WNT3A: variants seen among roughly 807,000 people sequenced by gnomAD.
WNT3A encodes Wnt family member 3A, also known as protein Wnt-3a.
In WNT3A, 17 loss-of-function variants were observed where a neutral mutation model predicts 37.0. The observed-to-expected ratio is 0.46, with a 90% CI of 0.31 to 0.69. The LOEUF (loss-of-function observed/expected upper bound fraction) is 0.69, where lower values mean the gene tolerates loss of function less well. WNT3A is among the 30% of genes least tolerant of loss of function. The probability of loss-of-function intolerance (pLI) is 0.05; values close to 1 mark genes in which losing one functional copy is unlikely to be tolerated. For missense variants in WNT3A, 411 were observed against 510.2 expected (o/e 0.81, Z 1.87); for synonymous variants, 187 against 211.0 (o/e 0.89, Z 0.99).
chr1:228,054,014 G>A (rs1474056354), intron 3 of WNT3A, among the ~76,000 whole-genome samples: 1 of 152,104 alleles, frequency 6.6e-6, no homozygotes, highest in Non-Finnish European at 1.5e-5. Flanking sequence ...GGGGCCATTT[G>A]CTGACCTGGA....
intron 2 of WNT3A, among the ~76,000 whole-genome samples, chr1:228,028,460 C>G (rs914777750): frequency 6.6e-6 from 1 of 151,882 alleles, no homozygotes; most frequent in African/African-American, 2.4e-5. Context: ...TGCCACAATA[C>G]CTGGCTAATT....
In WNT3A at chr1:228,007,811, G is replaced by A. The variant is rs759651544; in HGVS notation, c.71+612G>A. Among the ~76,000 whole-genome samples, 10 of 152,196 alleles carry A rather than the reference G, an allele frequency of 6.6e-5. No individual in the cohort carries two copies. Among genetic ancestry groups the A allele is most frequent in the Non-Finnish European group, 1.0e-4 (7 of 67,978 alleles). ...AGTCCGGGCACGGGGGTTTCCAGGG[G>A]CCCTCTCTGCGAGCCCTCCGCATGG... On this transcript the variant is annotated intron_variant, in intron 1 of 3. Coordinates refer to ENST00000284523, the MANE Select transcript of WNT3A (RefSeq NM_033131.4). This position sits in a 1 kb window ranked among gnomAD's most constrained non-coding sequence, Gnocchi z 6.0.
At chr1:228,051,880 G>A (rs1006915364) in intron 3 of WNT3A, among the ~76,000 whole-genome samples, 1 of 152,106 alleles carries the variant, frequency 6.6e-6, no homozygotes, top group Admixed American at 6.5e-5. Context: ...AAGACAGAGT[G>A]GGGGAGAGGT....
chr1:228,009,697 T>G (rs2030314567), intron 1 of WNT3A, among the ~76,000 whole-genome samples: 1 of 152,056 alleles, frequency 6.6e-6, no homozygotes, highest in South Asian at 2.1e-4. Context: ...TGAAGGGGAA[T>G]CTCCTCACCT....
chr1:228,059,977 G>C lies in WNT3A; in HGVS notation c.*512G>C. The C allele has an allele frequency of 2.6e-6, 3 of 1,135,712 alleles. No individual in the cohort carries two copies. Among genetic ancestry groups the C allele is most frequent in the Non-Finnish European group, 3.3e-6 (3 of 912,384 alleles). The allele number at this position is 1,135,712 out of a possible 1,614,324, so 70.4% of individuals were successfully genotyped here. On this transcript the variant is annotated 3_prime_UTR_variant, in exon 4 of 4. Transcript: ENST00000284523. Reference sequence around the variant, plus strand: ...GGGCGGAGCGCCTCCTTAGGAGTGGGGTTTTATGGTGGATGAGGCTTCTTC... The same window carrying C: ...GGGCGGAGCGCCTCCTTAGGAGTGGCGTTTTATGGTGGATGAGGCTTCTTC...
At chr1:228,044,086 A>G (rs2031347703) in intron 2 of WNT3A, among the ~76,000 whole-genome samples, 2 of 152,108 alleles carry the variant, frequency 1.3e-5, no homozygotes, top group East Asian at 1.9e-4. Flanking sequence ...GGCTCAAGCA[A>G]TCCTCCTGCC....
Position 228,059,438 on chromosome 1 carries a change from C to A in WNT3A, c.1032C>A (p.Arg344=). 6.5e-7 allele frequency: 1 copy of A among 1,527,430 alleles called. No homozygotes were observed. The highest frequency in any genetic ancestry group is 8.8e-7 in the Non-Finnish European group (1 of 1,141,524). The allele number at this position is 1,527,430 out of a possible 1,614,324, so 94.6% of individuals were successfully genotyped here. Residue 344 remains arginine, a synonymous_variant, in exon 4 of 4, where the codon CGC becomes CGA. Transcript: ENST00000284523. ...CCYVSCQECT[R]VYDVHTCK ...ACGTCAGCTGCCAGGAGTGCACGCG[C>A]GTCTACGACGTGCACACCTGCAAGT... is the stretch of plus-strand genomic sequence containing the variant.
At position 228,007,185 on chromosome 1, in the gene WNT3A, C is replaced by T; in HGVS notation, c.57C>T (p.Ser19=). The T allele has an allele frequency of 6.2e-7, 1 of 1,604,466 alleles. No individual in the cohort carries two copies. The highest frequency in any genetic ancestry group is 2.3e-5 in the East Asian group (1 of 44,242). ...LLCSLKQALG[S]YPIWWSLAVG... is the part of the protein sequence containing the mutation. ...GCAGCCTGAAGCAGGCTCTGGGCAG[C>T]TACCCGATCTGGTGGTGAGTGAGCC... The change falls in exon 1 of 4, where the codon AGC becomes AGT. Residue 19 remains serine, a synonymous_variant. Transcript: ENST00000284523. This position sits in a 1 kb window ranked among gnomAD's most constrained non-coding sequence, Gnocchi z 6.0.
intron 3 of WNT3A, among the ~76,000 whole-genome samples, chr1:228,054,373 C>T (rs537925862): frequency 2.2e-4 from 34 of 151,990 alleles, no homozygotes; most frequent in African/African-American, 8.0e-4. Flanking sequence ...ACCTATAATC[C>T]CAGCACTTTG....
At chr1:228,029,434 G>A (rs1177620807) in intron 2 of WNT3A, among the ~76,000 whole-genome samples, 1 of 152,178 alleles carries the variant, frequency 6.6e-6, no homozygotes, top group East Asian at 1.9e-4. Flanking sequence ...GCTGTGCTGA[G>A]CATGTGGTCA....
Position 228,060,067 on chromosome 1 carries a change from T to C in WNT3A, c.*602T>C. 8.3e-7 allele frequency: 1 copy of C among 1,201,784 alleles called. No homozygotes were observed. Among genetic ancestry groups the C allele is most frequent in the South Asian group, 1.5e-5 (1 of 67,256 alleles). 74.4% of individuals were successfully genotyped at this position (1,201,784 alleles called of 1,614,324 possible). A position where few individuals can be genotyped will look rare whatever the true frequency, so the allele number is the denominator to read the frequency against. ...CTTCCACGGGGGCTGTGGCTCTGGG[T>C]GGGCGTGGCCTGCATAGGCTCCTTC... On this transcript the variant is annotated 3_prime_UTR_variant, in exon 4 of 4. Transcript: ENST00000284523.
chr1:228,032,726 C>G (rs2031042254), intron 2 of WNT3A, among the ~76,000 whole-genome samples: 1 of 152,212 alleles, frequency 6.6e-6, no homozygotes, highest in Non-Finnish European at 1.5e-5. Context: ...GAACTCCATG[C>G]TTAACTTTTT....
At chr1:228,033,302 T>G (rs983026778) in intron 2 of WNT3A, among the ~76,000 whole-genome samples, 1 of 151,982 alleles carries the variant, frequency 6.6e-6, no homozygotes, top group South Asian at 2.1e-4. Context: ...TAAATAAGAG[T>G]TTTAGCGTTT....
At position 228,031,648 on chromosome 1, in the gene WNT3A, G is replaced by T. The variant is rs1199099259; in HGVS notation, c.313+8740G>T. On this transcript the variant is annotated intron_variant, in intron 2 of 3. Coordinates refer to ENST00000284523, the MANE Select transcript of WNT3A (RefSeq NM_033131.4). The surrounding 1 kb of genome is among the most constrained non-coding windows in gnomAD (Gnocchi z 4.8). ...GTGTAGTGAATGTGTATGTGGTTTG[G>T]TGGATACATGTGCCTGTGCATGGGT... Among the ~76,000 whole-genome samples, 1 of 152,002 alleles carries T rather than the reference G, an allele frequency of 6.6e-6. No homozygotes were observed. The highest frequency in any genetic ancestry group is 1.5e-5 in the Non-Finnish European group (1 of 68,000).
chr1:228,038,392 C>T lies in WNT3A; in HGVS notation c.314-12264C>T, dbSNP rs2031193530. 6.6e-6 allele frequency among the ~76,000 whole-genome samples: 1 copy of T among 152,208 alleles called. No homozygotes were observed. The highest frequency in any genetic ancestry group is 1.5e-5 in the Non-Finnish European group (1 of 68,034). ...CCTCAGTGGGGGAAAAGGGCCCACGCGTTGGCTGCTCTGGAAGCCTGTTGT... is the reference window on the plus strand; with the variant it reads ...CCTCAGTGGGGGAAAAGGGCCCACGTGTTGGCTGCTCTGGAAGCCTGTTGT... On this transcript the variant is annotated intron_variant, in intron 2 of 3. Transcript: ENST00000284523. The surrounding 1 kb of genome is among the most constrained non-coding windows in gnomAD (Gnocchi z 5.7).
intron 1 of WNT3A, among the ~76,000 whole-genome samples, chr1:228,017,188 G>T (rs188473888): frequency 5.7e-4 from 87 of 152,290 alleles, no homozygotes; most frequent in African/African-American, 2.0e-3. Context: ...CACCTATCCA[G>T]GTCCTGTGGG....
chr1:228,055,120 T>C (rs2031645917), intron 3 of WNT3A, among the ~76,000 whole-genome samples: 2 of 141,082 alleles, frequency 1.4e-5, no homozygotes, highest in Non-Finnish European at 3.0e-5. Flanking sequence ...GGCAGTTTTT[T>C]TTTTGGAAAC....
chr1:228,046,537 GGT>G (rs143812658), intron 2 of WNT3A, among the ~76,000 whole-genome samples: 15 of 150,500 alleles, frequency 1.0e-4, no homozygotes, highest in East Asian at 5.9e-4. Context: ...TGTGTTGTGT[GGT>G]GTGTGTGTGT....
intron 2 of WNT3A, among the ~76,000 whole-genome samples, chr1:228,046,820 CTA>C (rs889480157): frequency 7.3e-6 from 1 of 137,348 alleles, no homozygotes; most frequent in African/African-American, 2.8e-5. Flanking sequence ...GTGTGCATGC[CTA>C]TATGTGTGTG....
Sources: allele counts gnomAD v4.1 joint callset (sites outside exome capture counted in the v4.1 genomes callset), GRCh38; gene constraint gnomAD v4.1.1; non-coding constraint Gnocchi (gnomAD v3.1); transcripts MANE v1.5; gene names NCBI Gene and HGNC (gene_info 2026-07-23, HGNC 2026-07-21).